The following KPNA5 variants were observed in gnomAD, a reference collection of about 807,000 sequenced individuals.
KPNA5 encodes the protein importin subunit alpha-6.
Under a neutral mutation model 71.3 loss-of-function variants are expected in KPNA5, and 46 were observed. The ratio of observed to expected loss-of-function variants is 0.65; its 90% CI spans 0.51 to 0.83. The LOEUF (loss-of-function observed/expected upper bound fraction) is 0.83, where lower values mean the gene tolerates loss of function less well. Among genes scored for constraint, KPNA5 ranks in the 40% least tolerant of loss-of-function variants. The pLI is 0.00. For synonymous variants in KPNA5, 207 were observed against 201.4 expected (o/e 1.03, Z -0.24); for missense variants, 547 against 628.3 (o/e 0.87, Z 1.38).
chr6:116,715,066 G>T (rs541816438), intron 7 of KPNA5, among the ~76,000 whole-genome samples: 41 of 152,272 alleles, frequency 2.7e-4, no homozygotes, highest in African/African-American at 8.4e-4. Flanking sequence ...TATCTTCAGA[G>T]TTCTAATAAA....
Position 116,689,443 on chromosome 6 carries a change from G to T in KPNA5, c.128G>T (p.Arg43Ile). 1 of 1,578,804 alleles carries T rather than the reference G, an allele frequency of 6.3e-7. No homozygotes were observed. The highest frequency in any genetic ancestry group is 8.6e-7 in the Non-Finnish European group (1 of 1,168,504). Residue 43 changes from arginine (R) to isoleucine (I), a missense_variant, in exon 2 of 14, where the codon AGA becomes ATA. Arg to Ile is a moderately conservative substitution (Grantham distance 97). Coordinates refer to ENST00000368564, the MANE Select transcript of KPNA5 (RefSeq NM_001366306.2). ...GGAATACAGCTTAGAAAACAAAAAAGAGAAGAACAGGTAGGTGTTTTTAGC... is the reference window on the plus strand; with the variant it reads ...GGAATACAGCTTAGAAAACAAAAAATAGAAGAACAGGTAGGTGTTTTTAGC... ...EEGIQLRKQK[R>I]EEQLFKRRNV...
At chr6:116,681,388 C>A (rs1489152810) in intron 1 of KPNA5, 50 bp downstream of exon 1, 2 of 1,527,150 alleles carry the variant, frequency 1.3e-6, no homozygotes, top group South Asian at 2.5e-5. Context: ...GGTTTTGGTC[C>A]CTTTGGGAAC....
chr6:116,726,689 T>A, intron 12 of KPNA5, 67 bp downstream of exon 12: 2 of 1,297,694 alleles, frequency 1.5e-6, no homozygotes, highest in Non-Finnish European at 2.1e-6. Flanking sequence ...AAAACATATT[T>A]TAATTTACTG....
At chr6:116,728,923 C>A (rs1340917328) in intron 12 of KPNA5, among the ~76,000 whole-genome samples, 1 of 151,876 alleles carries the variant, frequency 6.6e-6, no homozygotes, top group Non-Finnish European at 1.5e-5. Flanking sequence ...GTACAGAAAA[C>A]CAGCCAATAA....
At chr6:116,695,333 T>G (rs1331012144) in intron 4 of KPNA5, among the ~76,000 whole-genome samples, 1 of 152,240 alleles carries the variant, frequency 6.6e-6, no homozygotes, top group Admixed American at 6.5e-5. Context: ...TTATTGGTTC[T>G]TTATAGTACA....
At chr6:116,695,801 TG>T (rs1778004662) in intron 4 of KPNA5, among the ~76,000 whole-genome samples, 2 of 152,194 alleles carry the variant, frequency 1.3e-5, no homozygotes, top group South Asian at 4.1e-4. Flanking sequence ...ATTTTTAAAT[TG>T]TTTTTTAAGT....
chr6:116,715,682 C>T (rs980329454), intron 7 of KPNA5, among the ~76,000 whole-genome samples: 2 of 152,100 alleles, frequency 1.3e-5, no homozygotes, highest in African/African-American at 2.4e-5. Context: ...CTTTGGGAGC[C>T]TGAGGCAGGT....
At chr6:116,701,956 C>T in intron 5 of KPNA5, 63 bp from the exon 6 acceptor site, 13 of 1,519,410 alleles carry the variant, frequency 8.6e-6, no homozygotes, top group Non-Finnish European at 1.2e-5. Context: ...CCTCTCTTTC[C>T]TTCTTTGCCT....
intron 4 of KPNA5, among the ~76,000 whole-genome samples, chr6:116,698,126 A>T (rs1284238090): frequency 1.3e-5 from 2 of 152,006 alleles, no homozygotes; most frequent in Admixed American, 1.3e-4. Flanking sequence ...TACTTAGATG[A>T]CCAGTACCTG....
At position 116,739,294 on chromosome 6, in the gene KPNA5, A is replaced by T. The variant is rs1481731762; in HGVS notation, c.*6971A>T. On this transcript the variant is annotated 3_prime_UTR_variant, in exon 14 of 14. Transcript: ENST00000368564. The stretch of plus-strand genomic sequence containing the variant: ...TACTTAGGAATCCAACTTACAAGGG[A>T]CGTGAAGGACCTCTTCAAGGAGAAC... 3.9e-5 allele frequency: 6 copies of T among 152,304 alleles called. No homozygotes were observed. The South Asian group carries it at 1.0e-3, about 26-fold the overall frequency. 9.4% of individuals were successfully genotyped at this position (152,304 alleles called of 1,614,324 possible). A position where few individuals can be genotyped will look rare whatever the true frequency, so the allele number is the denominator to read the frequency against.
intron 1 of KPNA5, among the ~76,000 whole-genome samples, chr6:116,682,326 C>CA (rs1777395158): frequency 1.3e-5 from 2 of 151,582 alleles, no homozygotes; most frequent in Non-Finnish European, 2.9e-5. Flanking sequence ...GACTCTGTCT[C>CA]AAAAAACAAA....
Position 116,713,299 on chromosome 6 carries a change from T to A in KPNA5, c.657-2920T>A, listed in dbSNP as rs372073368. ...TCCTCAGCTTTTGCTCATGTGGGAA[T>A]CTCACTTTCTCCTTCTGTTTGGAAG... is the stretch of plus-strand genomic sequence containing the variant. On this transcript the variant is annotated intron_variant, in intron 7 of 13. Coordinates refer to ENST00000368564, the MANE Select transcript of KPNA5 (RefSeq NM_001366306.2). Among the ~76,000 whole-genome samples, 5 of 152,334 alleles carry A rather than the reference T, an allele frequency of 3.3e-5. No homozygotes were observed. The East Asian group carries it at 9.6e-4, about 29-fold the overall frequency.
At chr6:116,709,527 A>AT (rs1318363957) in intron 7 of KPNA5, among the ~76,000 whole-genome samples, 2 of 152,208 alleles carry the variant, frequency 1.3e-5, no homozygotes, top group Non-Finnish European at 2.9e-5. Flanking sequence ...CCATCTCTAA[A>AT]TTTTTTTTAA....
At chr6:116,711,538 A>ATG (rs143357784) in intron 7 of KPNA5, among the ~76,000 whole-genome samples, 9,790 of 143,468 alleles carry the variant, frequency 0.068, 423 homozygotes, top group Admixed American at 0.16. Context: ...TTTTCTGCAT[A>ATG]TGTGTGTGTG....
At chr6:116,687,724 C>G (rs1163268723) in intron 1 of KPNA5, among the ~76,000 whole-genome samples, 1 of 152,160 alleles carries the variant, frequency 6.6e-6, no homozygotes, top group Admixed American at 6.5e-5. Context: ...TTCTTCCTCA[C>G]CAGATATCTG....
chr6:116,729,636 G>C lies in KPNA5; in HGVS notation c.1327G>C (p.Val443Leu). The C allele has an allele frequency of 6.2e-7, 1 of 1,610,640 alleles. No individual in the cohort carries two copies. Among genetic ancestry groups the C allele is most frequent in the Non-Finnish European group, 8.5e-7 (1 of 1,178,178 alleles). The change falls in exon 13 of 14, where the codon GTG becomes CTG. Residue 443 changes from valine (V) to leucine (L), a missense_variant. By Grantham distance (32) the Val-to-Leu change is conservative. Transcript: ENST00000368564. ...LTVMDSKIVQ[V>L]ALNGLENILR... ...TGTTATGGACTCCAAAATAGTCCAAGTGGCTTTAAATGGACTTGAAAATAT... is the reference window on the plus strand; with the variant it reads ...TGTTATGGACTCCAAAATAGTCCAACTGGCTTTAAATGGACTTGAAAATAT...
chr6:116,686,663 T>C (rs1031947766), intron 1 of KPNA5, among the ~76,000 whole-genome samples: 1 of 152,210 alleles, frequency 6.6e-6, no homozygotes, highest in Non-Finnish European at 1.5e-5. Flanking sequence ...TTCCAGAGTT[T>C]TTATAGTTTT....
chr6:116,685,849 T>C (rs1336150725), intron 1 of KPNA5, among the ~76,000 whole-genome samples: 1 of 152,168 alleles, frequency 6.6e-6, no homozygotes, highest in Non-Finnish European at 1.5e-5. Flanking sequence ...TTTAGCTCTT[T>C]GAGGAATTGC....
chr6:116,687,750 C>A (rs147644116), intron 1 of KPNA5, among the ~76,000 whole-genome samples: 1 of 152,142 alleles, frequency 6.6e-6, no homozygotes, highest in East Asian at 1.9e-4. Context: ...TTCATTTGGC[C>A]TCTAATTTTT....
Sources: gnomAD v4.1 joint callset for allele counts (sites outside exome capture counted in the v4.1 genomes callset) on GRCh38, gnomAD v4.1.1 for gene constraint, MANE v1.5 for transcripts, NCBI Gene and HGNC (gene_info 2026-07-23, HGNC 2026-07-21) for gene names.